GSG1L: variants seen among roughly 807,000 people sequenced by gnomAD.
GSG1L encodes germ cell-specific gene 1-like protein.
A neutral mutation model predicts 42.1 loss-of-function variants in GSG1L; 24 were observed. The observed-to-expected ratio is 0.57, with a 90% CI of 0.41 to 0.80. The LOEUF (loss-of-function observed/expected upper bound fraction) is 0.80, where lower values mean the gene tolerates loss of function less well. Ranked by LOEUF, GSG1L falls within the 30% of genes least tolerant of loss-of-function variation. The pLI is 0.00. For synonymous variants in GSG1L, 215 were observed against 203.5 expected (o/e 1.06, Z -0.48); for missense variants, 445 against 472.2 (o/e 0.94, Z 0.53).
intron 3 of GSG1L, among the ~76,000 whole-genome samples, chr16:27,876,809 G>A (rs1045341350): frequency 1.3e-5 from 2 of 152,230 alleles, no homozygotes; most frequent in African/African-American, 4.8e-5. Context: ...GATGGCACCT[G>A]AAATTCAGAT....
chr16:27,826,479 C>G (rs2083210498), intron 5 of GSG1L, among the ~76,000 whole-genome samples: 3 of 152,192 alleles, frequency 2.0e-5, no homozygotes, highest in African/African-American at 7.2e-5. Context: ...TCAGCTCCCC[C>G]AGAAGTAGGC....
At chr16:27,918,126 A>T (rs1263103425) in intron 2 of GSG1L, among the ~76,000 whole-genome samples, 1 of 152,134 alleles carries the variant, frequency 6.6e-6, no homozygotes, top group East Asian at 1.9e-4. Context: ...TGCAGCAGAC[A>T]TTTCATTGTA....
At chr16:27,902,732 C>G (rs557558203) in intron 2 of GSG1L, among the ~76,000 whole-genome samples, 1 of 152,044 alleles carries the variant, frequency 6.6e-6, no homozygotes, top group Non-Finnish European at 1.5e-5. Context: ...GTGCCTTGGG[C>G]GTTATTTAAA....
At chr16:28,020,380 C>T (rs1209124053) in intron 1 of GSG1L, among the ~76,000 whole-genome samples, 1 of 152,158 alleles carries the variant, frequency 6.6e-6, no homozygotes, top group Non-Finnish European at 1.5e-5. Context: ...AAGTAATACC[C>T]AGAAGAATGC....
chr16:28,019,282 A>C (rs1011140339), intron 1 of GSG1L, among the ~76,000 whole-genome samples: 1 of 152,210 alleles, frequency 6.6e-6, no homozygotes, highest in African/African-American at 2.4e-5. Flanking sequence ...CAAGATGGCC[A>C]CGAAAGTGAC....
At chr16:27,873,407 G>T (rs1167129895) in intron 3 of GSG1L, among the ~76,000 whole-genome samples, 1 of 152,168 alleles carries the variant, frequency 6.6e-6, no homozygotes, top group African/African-American at 2.4e-5. Context: ...TGCTGGTGGG[G>T]TGTGATGGAA....
rs771090601 is a variant in GSG1L, at chr16:28,058,639, AAC to A, written c.349+4435_349+4436del. On this transcript the variant is annotated intron_variant, in intron 1 of 6. Transcript: ENST00000447459. The stretch of plus-strand genomic sequence containing the variant: ...CAAGACCAAAAAAAAAAAAAAAACA[AAC>A]AAACCATGTCGAGGAGTTAGAGCAA... Among the ~76,000 whole-genome samples, 397 of 149,976 alleles carry A rather than the reference AAC, an allele frequency of 2.6e-3. 13 individuals are homozygous for A. The highest frequency in any genetic ancestry group is 7.7e-3 in the African/African-American group (311 of 40,302).
intron 5 of GSG1L, among the ~76,000 whole-genome samples, chr16:27,815,461 T>C (rs1033615313): frequency 5.2e-4 from 79 of 152,198 alleles, no homozygotes; most frequent in African/African-American, 1.9e-3. Context: ...CATAAACCTC[T>C]CTTCCTTATA....
At position 27,948,660 on chromosome 16, in the gene GSG1L, A is replaced by C. The variant is rs531625102; in HGVS notation, c.397+14496T>G. 1.5e-3 allele frequency among the ~76,000 whole-genome samples: 211 copies of C among 141,320 alleles called. 1 individual carries two copies. Among genetic ancestry groups the C allele is most frequent in the Non-Finnish European group, 2.4e-3 (158 of 66,514 alleles). 92.7% of individuals were successfully genotyped at this position (141,320 alleles called of 152,430 possible). A position where few individuals can be genotyped will look rare whatever the true frequency, so the allele number is the denominator to read the frequency against. ...AGTCTCGCTCTGTTGCCCAGGCTGG[A>C]GTGCAATGGCTCAATCTTGGCTCAT... On this transcript the variant is annotated intron_variant, in intron 2 of 6. Coordinates refer to ENST00000447459, the MANE Select transcript of GSG1L (RefSeq NM_001109763.2).
intron 2 of GSG1L, among the ~76,000 whole-genome samples, chr16:27,897,095 C>T (rs2084200812): frequency 6.6e-6 from 1 of 152,190 alleles, no homozygotes; most frequent in Non-Finnish European, 1.5e-5. Context: ...AACTCCTAAC[C>T]TCAGGTGATC....
chr16:27,853,983 C>A (rs2140992753), intron 3 of GSG1L, among the ~76,000 whole-genome samples: 1 of 152,260 alleles, frequency 6.6e-6, no homozygotes. Flanking sequence ...ACACCCATGA[C>A]CTCAGGGCAC....
intron 6 of GSG1L, among the ~76,000 whole-genome samples, chr16:27,796,408 G>C (rs1353380939): frequency 6.6e-6 from 1 of 152,216 alleles, no homozygotes; most frequent in Non-Finnish European, 1.5e-5. Flanking sequence ...TCTACCATGA[G>C]AGGGCTTCAG....
At chr16:28,006,203 A>G (rs2085636234) in intron 1 of GSG1L, among the ~76,000 whole-genome samples, 1 of 152,234 alleles carries the variant, frequency 6.6e-6, no homozygotes, top group Non-Finnish European at 1.5e-5. Context: ...ATCTGTAGGA[A>G]CTGAATTCTG....
intron 1 of GSG1L, among the ~76,000 whole-genome samples, chr16:28,007,222 A>C (rs989875641): frequency 6.6e-6 from 1 of 152,230 alleles, no homozygotes; most frequent in Non-Finnish European, 1.5e-5. Flanking sequence ...GTGGGTCCGA[A>C]GTAATCACCA....
At chr16:27,860,727 G>A (rs886367126) in intron 3 of GSG1L, among the ~76,000 whole-genome samples, 1 of 152,230 alleles carries the variant, frequency 6.6e-6, no homozygotes, top group Non-Finnish European at 1.5e-5. Context: ...GCCTTCTGCA[G>A]GGAGGGGCTG....
rs922878446 is a variant in GSG1L at position 28,063,179 on chromosome 16, A to G, written c.246T>C (p.Pro82=). 5.3e-6 allele frequency: 7 copies of G among 1,331,140 alleles called. No individual in the cohort carries two copies. Among genetic ancestry groups the G allele is most frequent in the Non-Finnish European group, 4.8e-6 (5 of 1,037,340 alleles). 82.5% of individuals were successfully genotyped at this position (1,331,140 alleles called of 1,614,324 possible). A position where few individuals can be genotyped will look rare whatever the true frequency, so the allele number is the denominator to read the frequency against. ...AAATASGNGP[P]GGALYSWETG... ...TCTCCCAGCTGTAGAGCGCGCCGCC[A>G]GGGGGGCCGTTCCCCGAGGCGGTGG... The change falls in exon 1 of 7, where the codon CCT becomes CCC. Residue 82 remains proline (P), a synonymous_variant. Coordinates refer to ENST00000447459, the MANE Select transcript of GSG1L (RefSeq NM_001109763.2). This position sits in a 1 kb window ranked among gnomAD's most constrained non-coding sequence, Gnocchi z 5.8.
At chr16:27,958,732 G>C in intron 2 of GSG1L, among the ~76,000 whole-genome samples, 1 of 152,058 alleles carries the variant, frequency 6.6e-6, no homozygotes, top group East Asian at 1.9e-4. Flanking sequence ...CTGGAGTGCA[G>C]TGGCATGATC....
intron 2 of GSG1L, among the ~76,000 whole-genome samples, chr16:27,932,958 C>G (rs2084673317): frequency 6.6e-6 from 1 of 152,000 alleles, no homozygotes; most frequent in Non-Finnish European, 1.5e-5. Context: ...GACTCACAAG[C>G]AAGAAAAATA....
chr16:27,919,365 C>T (rs990360731), intron 2 of GSG1L, among the ~76,000 whole-genome samples: 2 of 152,142 alleles, frequency 1.3e-5, no homozygotes, highest in Non-Finnish European at 2.9e-5. Context: ...TCTCTGACTC[C>T]ATCTCCTACC....
Sources: allele counts gnomAD v4.1 joint callset (sites outside exome capture counted in the v4.1 genomes callset), GRCh38; gene constraint gnomAD v4.1.1; non-coding constraint Gnocchi (gnomAD v3.1); transcripts MANE v1.5; gene names NCBI Gene and HGNC (gene_info 2026-07-23, HGNC 2026-07-21).